Variants in LUC7L2 observed in about 807,000 individuals in gnomAD.
LUC7L2 encodes putative RNA-binding protein Luc7-like 2.
A neutral mutation model predicts 52.8 loss-of-function variants in LUC7L2; 25 were observed. The ratio of observed to expected loss-of-function variants is 0.47; its 90% CI spans 0.34 to 0.66. The LOEUF is 0.66. Among genes scored for constraint, LUC7L2 ranks in the 30% least tolerant of loss-of-function variants. LUC7L2 has a pLI of 0.01. For synonymous variants in LUC7L2, 144 were observed against 160.9 expected (o/e 0.89, Z 0.80); for missense variants, 328 against 497.8 (o/e 0.66, Z 3.25).
At chr7:139,354,698 G>A in intron 1 of LUC7L2, among the ~76,000 whole-genome samples, 1 of 152,166 alleles carries the variant, frequency 6.6e-6, no homozygotes, top group East Asian at 1.9e-4. Flanking sequence ...CTTCAGTATT[G>A]AAACTGAGCT....
Position 139,360,277 on chromosome 7 carries a change from C to A in LUC7L2, c.16C>A (p.Gln6Lys). 6.4e-7 allele frequency: 1 copy of A among 1,567,848 alleles called. No individual in the cohort carries two copies. The highest frequency in any genetic ancestry group is 8.6e-7 in the Non-Finnish European group (1 of 1,157,634). MSAQAQMRAMLDQLMG... is the reference protein window; with the variant it reads MSAQAKMRAMLDQLMG... ...CGCCGCCGCCATGTCGGCGCAGGCC[C>A]AGATGCGCGCGATGCTGGACCAGTT... The change falls in exon 1 of 10, where the codon CAG becomes AAG. Residue 6 changes from glutamine (Q) to lysine (K), a missense_variant. Physicochemically the swap from Gln to Lys is moderately conservative, Grantham distance 53. Coordinates refer to ENST00000354926, the MANE Select transcript of LUC7L2 (RefSeq NM_016019.5).
chr7:139,376,208 A>G (rs773715371), intron 2 of LUC7L2, 52 bp downstream of exon 2: 43 of 1,569,374 alleles, frequency 2.7e-5, no homozygotes, highest in Non-Finnish European at 3.5e-5. Flanking sequence ...GCAGTAATGA[A>G]CTACTTGATA....
At chr7:139,375,523 T>A in intron 1 of LUC7L2, 1 of 985,652 alleles carries the variant, frequency 1.0e-6, no homozygotes, top group Non-Finnish European at 1.2e-6. Flanking sequence ...AGGGAGACAC[T>A]TCAGCTGGAA....
chr7:139,398,713 T>A lies in LUC7L2; in HGVS notation c.255+16T>A. On this transcript the variant is annotated intron_variant, in intron 3 of 9. Coordinates refer to ENST00000354926, the MANE Select transcript of LUC7L2 (RefSeq NM_016019.5). ...TGAACTTGATGTATGTGATTTTGCT[T>A]TAATGGTTTGTTGTTATCTTTTGCT... 2 of 1,604,768 alleles carry A rather than the reference T, an allele frequency of 1.2e-6. No individual in the cohort carries two copies. Among genetic ancestry groups the A allele is most frequent in the Non-Finnish European group, 1.7e-6 (2 of 1,176,686 alleles).
At chr7:139,358,494 TAC>T (rs1488559795), upstream of LUC7L2, among the ~76,000 whole-genome samples, 3 of 152,288 alleles carry the variant, frequency 2.0e-5, no homozygotes, top group Non-Finnish European at 2.9e-5. Flanking sequence ...TCATTCTTCT[TAC>T]AGTTTTAAAT....
At chr7:139,404,627 A>C (rs573674172) in intron 4 of LUC7L2, among the ~76,000 whole-genome samples, 1 of 152,356 alleles carries the variant, frequency 6.6e-6, no homozygotes, top group Non-Finnish European at 1.5e-5. Context: ...GTGCCATTAC[A>C]ACAGTAGGAA....
chr7:139,374,776 C>A, intron 1 of LUC7L2: 2 of 1,162,206 alleles, frequency 1.7e-6, no homozygotes, highest in Non-Finnish European at 2.1e-6. Context: ...TGAACAAAAT[C>A]TTACCCCATC....
chr7:139,401,947 T>G (rs1393697854), intron 3 of LUC7L2, among the ~76,000 whole-genome samples, 190 bp from the exon 4 acceptor site: 1 of 151,992 alleles, frequency 6.6e-6, no homozygotes, highest in Admixed American at 6.6e-5. Flanking sequence ...GAGGCAGAGT[T>G]TCGCCAAGTT....
At chr7:139,378,639 A>T (rs539004940) in intron 2 of LUC7L2, among the ~76,000 whole-genome samples, 1 of 152,336 alleles carries the variant, frequency 6.6e-6, no homozygotes, top group African/African-American at 2.4e-5. Context: ...ATTTAACATC[A>T]GAAAAGAAAT....
At chr7:139,400,265 G>A (rs1794848884) in intron 3 of LUC7L2, among the ~76,000 whole-genome samples, 1 of 152,130 alleles carries the variant, frequency 6.6e-6, no homozygotes, top group South Asian at 2.1e-4. Flanking sequence ...CCAGCACTTT[G>A]GGAGGCCGAG....
At chr7:139,348,968 C>G (rs1799361325) in intron 1 of LUC7L2, among the ~76,000 whole-genome samples, 1 of 152,150 alleles carries the variant, frequency 6.6e-6, no homozygotes, top group Admixed American at 6.5e-5. Context: ...TGAGACCATC[C>G]TGGCCAACAT....
At chr7:139,362,146 C>G (rs929688101) in intron 1 of LUC7L2, among the ~76,000 whole-genome samples, 1 of 151,414 alleles carries the variant, frequency 6.6e-6, no homozygotes, top group African/African-American at 2.4e-5. Context: ...GATTTATGAT[C>G]GAACTCATAT....
chr7:139,408,417 T>C (rs1400625597), intron 6 of LUC7L2, among the ~76,000 whole-genome samples: 1 of 152,130 alleles, frequency 6.6e-6, no homozygotes, highest in East Asian at 1.9e-4. Flanking sequence ...CCTAAATATT[T>C]CCATATTAGA....
In LUC7L2 at chr7:139,422,500, TTGA is replaced by T. The variant is rs1463590471; in HGVS notation, c.*166_*168del. 1.5e-6 allele frequency: 2 copies of T among 1,314,616 alleles called. No individual in the cohort carries two copies. Among genetic ancestry groups the T allele is most frequent in the African/African-American group, 1.5e-5 (1 of 67,362 alleles). The allele number at this position is 1,314,616 out of a possible 1,614,324, so 81.4% of individuals were successfully genotyped here. A position where few individuals can be genotyped will look rare whatever the true frequency, so the allele number is the denominator to read the frequency against. ...TTGATCTGAACTGAACCTGTTTTCC[TTGA>T]TGATGCCTAAAACTACATCCATAGT... On this transcript the variant is annotated 3_prime_UTR_variant, in exon 10 of 10. Transcript: ENST00000354926.
At chr7:139,360,365 G>C (rs1450807577) in intron 1 of LUC7L2, 43 bp downstream of exon 1, 7 of 1,531,392 alleles carry the variant, frequency 4.6e-6, no homozygotes, top group Non-Finnish European at 6.2e-6. Context: ...AGGGGACGGG[G>C]ACGGCGAAGG....
At chr7:139,400,413 G>T (rs1794856089) in intron 3 of LUC7L2, among the ~76,000 whole-genome samples, 1 of 152,172 alleles carries the variant, frequency 6.6e-6, no homozygotes, top group Admixed American at 6.5e-5. Context: ...GGAGGCTGAG[G>T]CAGGAGAATC....
At chr7:139,377,418 C>G (rs1029420658) in intron 2 of LUC7L2, among the ~76,000 whole-genome samples, 1 of 151,486 alleles carries the variant, frequency 6.6e-6, no homozygotes, top group African/African-American at 2.4e-5. Context: ...GAGACGGAGT[C>G]TTGCTCTTCT....
upstream of LUC7L2, chr7:139,359,185 G>GGCT (rs527688197): frequency 2.6e-3 from 390 of 152,412 alleles, 3 homozygotes; most frequent in Non-Finnish European, 4.4e-3. Flanking sequence ...CAGCGCCGCT[G>GGCT]GCTCCCTGCT....
intron 3 of LUC7L2, among the ~76,000 whole-genome samples, chr7:139,400,952 G>A (rs2131280772): frequency 6.6e-6 from 1 of 152,308 alleles, no homozygotes; most frequent in East Asian, 1.9e-4. Context: ...AATTCAATGT[G>A]TGCTGAATAA....
Sources: allele counts gnomAD v4.1 joint callset (sites outside exome capture counted in the v4.1 genomes callset), GRCh38; gene constraint gnomAD v4.1.1; transcripts MANE v1.5; gene names NCBI Gene and HGNC (gene_info 2026-07-23, HGNC 2026-07-21).